FLNC: variants seen among roughly 807,000 people sequenced by gnomAD.
FLNC encodes filamin-C.
A neutral mutation model predicts 254.3 loss-of-function variants in FLNC; 91 were observed. The ratio of observed to expected loss-of-function variants is 0.36; its 90% CI spans 0.30 to 0.43. The LOEUF (loss-of-function observed/expected upper bound fraction) is 0.43. FLNC is among the 20% of genes least tolerant of loss of function. The pLI, the probability that FLNC is intolerant of heterozygous loss-of-function variation, is 1.00. For synonymous variants in FLNC, 1,430 were observed against 1,577.2 expected (o/e 0.91, Z 2.21); for missense variants, 2,853 against 3,802.6 (o/e 0.75, Z 6.57).
In FLNC at chr7:128,842,873, G is replaced by A. The variant is rs750930607; in HGVS notation, c.2469G>A (p.Lys823=). ...CTGACATTGACTTCGACATCATCAA[G>A]AATGACAACGACACCTTCACCGTCA... ...AEADIDFDII[K]NDNDTFTVKY... The change falls in exon 16 of 48, where the codon AAG becomes AAA. Residue 823 remains lysine (K), a synonymous_variant. Coordinates refer to ENST00000325888, the MANE Select transcript of FLNC (RefSeq NM_001458.5). The surrounding 1 kb of genome is among the most constrained non-coding windows in gnomAD (Gnocchi z 5.4). 1.2e-6 allele frequency: 2 copies of A among 1,614,066 alleles called. No homozygotes were observed. Among genetic ancestry groups the A allele is most frequent in the Admixed American group, 3.3e-5 (2 of 60,028 alleles).
chr7:128,844,965 G>C lies in FLNC; in HGVS notation c.3500G>C (p.Arg1167Pro). ...KVRASGPGLE[R>P]GKVGEAATFT... Reference sequence around the variant, plus strand: ...CGGGCCAGTGGACCGGGCCTGGAGCGCGGCAAGGTCGGTGAGGCAGCCACC... The same window carrying C: ...CGGGCCAGTGGACCGGGCCTGGAGCCCGGCAAGGTCGGTGAGGCAGCCACC... Residue 1167 changes from arginine (R) to proline (P), a missense_variant, in exon 21 of 48, where the codon CGC becomes CCC. This residue lies in a region of FLNC where 1,573 missense variants were observed against 1,883.5 expected (regional missense o/e 0.84). Transcript: ENST00000325888. The C allele has an allele frequency of 6.2e-7, 1 of 1,613,842 alleles. No individual in the cohort carries two copies.
chr7:128,833,231 C>T (rs1037996895), intron 1 of FLNC, among the ~76,000 whole-genome samples: 1 of 152,238 alleles, frequency 6.6e-6, no homozygotes, highest in African/African-American at 2.4e-5. Flanking sequence ...TATTCCTTCT[C>T]CTGGAGCCAA....
intron 32 of FLNC, 114 bp downstream of exon 32, chr7:128,850,597 C>G: frequency 8.3e-7 from 1 of 1,198,366 alleles, no homozygotes; most frequent in Non-Finnish European, 1.2e-6. Context: ...TGAGCTCTAC[C>G]CAGGGTCACA....
At chr7:128,853,876 G>A (rs780134331) in intron 39 of FLNC, 39 bp downstream of exon 39, 2 of 1,613,116 alleles carry the variant, frequency 1.2e-6, no homozygotes, top group Non-Finnish European at 8.5e-7. Flanking sequence ...CGGGTGGTGG[G>A]AGAGGGCTGG....
intron 30 of FLNC, among the ~76,000 whole-genome samples, 198 bp from the exon 31 acceptor site, chr7:128,849,778 C>T (rs777167714): frequency 6.6e-6 from 1 of 152,236 alleles, no homozygotes; most frequent in Non-Finnish European, 1.5e-5. Context: ...CTGCCCCCTG[C>T]CCAGTGCTGT....
chr7:128,832,621 C>T (rs1195386146), intron 1 of FLNC, among the ~76,000 whole-genome samples: 2 of 152,220 alleles, frequency 1.3e-5, no homozygotes. Context: ...GCCCCCTTGG[C>T]TCAGCAGAGG....
chr7:128,854,315 C>T (rs1310150025), intron 40 of FLNC, 98 bp from the exon 41 acceptor site: 5 of 1,600,372 alleles, frequency 3.1e-6, no homozygotes, highest in Non-Finnish European at 4.3e-6. Flanking sequence ...AAGGCCAGGG[C>T]AGGTCTGAGC....
chr7:128,837,493 T>C lies in FLNC; in HGVS notation c.795T>C (p.Gly265=), dbSNP rs2291561. The change falls in exon 4 of 48, where the codon GGT becomes GGC. Residue 265 remains glycine (G), a synonymous_variant. Coordinates refer to ENST00000325888, the MANE Select transcript of FLNC (RefSeq NM_001458.5). ...TCCCCAAGGCCAAGCTCAAACCTGG[T>C]GCCCCTGTTCGATCCAAGCAGCTGA... ...SQFPKAKLKP[G]APVRSKQLNP... The C allele has an allele frequency of 0.11, 180,718 of 1,614,090 alleles. 10,405 individuals are homozygous for C. Among genetic ancestry groups the C allele is most frequent in the South Asian group, 0.14 (12,947 of 91,084 alleles).
At position 128,841,527 on chromosome 7, in the gene FLNC, C is replaced by T. The variant is rs1315847764; in HGVS notation, c.2081C>T (p.Ala694Val). The change falls in exon 13 of 48, where the codon GCT (alanine) becomes GTT (valine). Residue 694 changes from alanine to valine, a missense_variant. Around this residue, in one of 10 missense-constraint regions of FLNC, gnomAD observed 1,573 missense variants for 1,883.5 expected, o/e 0.84. Coordinates refer to ENST00000325888, the MANE Select transcript of FLNC (RefSeq NM_001458.5). The surrounding 1 kb of genome is among the most constrained non-coding windows in gnomAD (Gnocchi z 4.3). Reference protein sequence around the residue: ...VDKPAEFTIDARAAGKGDLKL... With the variant: ...VDKPAEFTIDVRAAGKGDLKL... Reference sequence around the variant, plus strand: ...AAGCCCGCTGAGTTCACCATTGATGCTCGTGCAGCTGGCAAGGGAGACCTG... The same window carrying T: ...AAGCCCGCTGAGTTCACCATTGATGTTCGTGCAGCTGGCAAGGGAGACCTG... 3 of 1,614,040 alleles carry T rather than the reference C, an allele frequency of 1.9e-6. No homozygotes were observed. The highest frequency in any genetic ancestry group is 2.7e-5 in the African/African-American group (2 of 74,950).
chr7:128,856,970 C>T lies in FLNC; in HGVS notation c.7561+49C>T, dbSNP rs748382737. The T allele has an allele frequency of 1.9e-6, 3 of 1,601,662 alleles. No individual in the cohort carries two copies. The East Asian group carries it at 6.7e-5, about 36-fold the overall frequency. On this transcript the variant is annotated intron_variant, in intron 45 of 47. Coordinates refer to ENST00000325888, the MANE Select transcript of FLNC (RefSeq NM_001458.5). This position sits in a 1 kb window ranked among gnomAD's most constrained non-coding sequence, Gnocchi z 5.9. The stretch of plus-strand genomic sequence containing the variant: ...AGGGTGACTTCTGGGGGTGCTTGGC[C>T]ACTAGTCTGGTGCTGCTTTGCTCCA...
rs1367217552 is a variant in FLNC, at chr7:128,851,195, G to A, written c.5540-37G>A. 3 of 1,613,416 alleles carry A rather than the reference G, an allele frequency of 1.9e-6. No individual in the cohort carries two copies. In the African/African-American group the frequency reaches 4.0e-5, roughly 22 times the overall value. On this transcript the variant is annotated intron_variant, in intron 33 of 47. Transcript: ENST00000325888. ...GCCAAGGTGGGCTCAGATAATCCCT[G>A]ATGCTGACCCAGCCCCCTTTTTCTC...
chr7:128,831,037 C>T (rs1311872266), intron 1 of FLNC, 48 bp downstream of exon 1: 1 of 1,573,708 alleles, frequency 6.4e-7, no homozygotes, highest in Admixed American at 1.7e-5. Context: ...TAGGGTCGTC[C>T]CATGGGGCAG....
rs751149867 is a variant in FLNC at position 128,849,977 on chromosome 7, C to T, written c.5201C>T (p.Ala1734Val). ...TGCCCCCGTGCCTTGCCTCCCCAGG[C>T]GTGTGACCCCCTGCCGCACGAGGAG... ...HIPNSPFHVLACDPLPHEEEP... is the reference protein window; with the variant it reads ...HIPNSPFHVLVCDPLPHEEEP... The change falls in exon 31 of 48, where the codon GCG (alanine) becomes GTG (valine). Residue 1734 changes from alanine (A) to valine (V), a missense_variant and splice_region_variant. Transcript: ENST00000325888. The T allele has an allele frequency of 5.0e-6, 8 of 1,586,650 alleles. No homozygotes were observed. Among genetic ancestry groups the T allele is most frequent in the African/African-American group, 1.3e-5 (1 of 74,754 alleles).
In FLNC at chr7:128,843,562, C is replaced by T. The variant is rs1371836474; in HGVS notation, c.2796C>T (p.Tyr932=). 1.9e-6 allele frequency: 3 copies of T among 1,613,700 alleles called. No homozygotes were observed. Among genetic ancestry groups the T allele is most frequent in the East Asian group, 2.2e-5 (1 of 44,902 alleles). ...DNHDYSYTVK[Y]TAVQQGNMAV... ...ATGACTACTCCTACACTGTCAAGTACACCGCTGTCCAGCAGGTGCGCTCTG... is the reference window on the plus strand; with the variant it reads ...ATGACTACTCCTACACTGTCAAGTATACCGCTGTCCAGCAGGTGCGCTCTG... The change falls in exon 18 of 48, where the codon TAC becomes TAT. Residue 932 remains tyrosine, a synonymous_variant. Coordinates refer to ENST00000325888, the MANE Select transcript of FLNC (RefSeq NM_001458.5).
intron 42 of FLNC, 119 bp downstream of exon 42, chr7:128,855,031 C>A: frequency 8.4e-7 from 1 of 1,192,642 alleles, no homozygotes; most frequent in Non-Finnish European, 1.2e-6. Context: ...GAGCCCCCTG[C>A]TCTTCCTCTG....
intron 8 of FLNC, 78 bp from the exon 9 acceptor site, chr7:128,839,945 G>A (rs199846049): frequency 1.3e-5 from 20 of 1,569,050 alleles, no homozygotes; most frequent in Non-Finnish European, 1.5e-5. Flanking sequence ...GGGGTTAGAA[G>A]GACTGTGCAC....
In FLNC at chr7:128,848,050, A is replaced by C; in HGVS notation, c.4562A>C (p.Asp1521Ala). 2.5e-6 allele frequency: 4 copies of C among 1,605,992 alleles called. No homozygotes were observed. The highest frequency in any genetic ancestry group is 3.4e-6 in the Non-Finnish European group (4 of 1,176,060). ...TACACGGTAGCCGTCAAGTATGCTG[A>C]CCAGGAGGTGCCACGCAGGTGAGGA... ...GPYTVAVKYA[D>A]QEVPRSPFKI... Residue 1521 changes from aspartate to alanine, a missense_variant, in exon 26 of 48, where the codon GAC becomes GCC. Transcript: ENST00000325888.
chr7:128,842,892 A>G lies in FLNC; in HGVS notation c.2488A>G (p.Thr830Ala). 6.2e-7 allele frequency: 1 copy of G among 1,614,014 alleles called. No homozygotes were observed. Among genetic ancestry groups the G allele is most frequent in the Non-Finnish European group, 8.5e-7 (1 of 1,180,028 alleles). ...CATCAAGAATGACAACGACACCTTCACCGTCAAGTACACGCCACCAGGGGC... is the reference window on the plus strand; with the variant it reads ...CATCAAGAATGACAACGACACCTTCGCCGTCAAGTACACGCCACCAGGGGC... ...DIIKNDNDTFTVKYTPPGAGR... is the reference protein window; with the variant it reads ...DIIKNDNDTFAVKYTPPGAGR... The change falls in exon 16 of 48, where the codon ACC becomes GCC. Residue 830 changes from threonine (T) to alanine (A), a missense_variant. This residue lies in a region of FLNC where 1,573 missense variants were observed against 1,883.5 expected (regional missense o/e 0.84). Transcript: ENST00000325888. The surrounding 1 kb of genome is among the most constrained non-coding windows in gnomAD (Gnocchi z 5.4).
At position 128,852,507 on chromosome 7, in the gene FLNC, G is replaced by A. The variant is rs571379135; in HGVS notation, c.5843-84G>A. ...CCCCGTGTCTGTTGAGTCCAGGGGG[G>A]GCTGCTCAGGAGGGTTCCTGAGCCC... On this transcript the variant is annotated intron_variant, in intron 35 of 47. Transcript: ENST00000325888. 3.6e-5 allele frequency: 54 copies of A among 1,517,908 alleles called. No individual in the cohort carries two copies. The East Asian group carries it at 6.1e-4, about 17-fold the overall frequency. 94.0% of individuals were successfully genotyped at this position (1,517,908 alleles called of 1,614,324 possible). A position where few individuals can be genotyped will look rare whatever the true frequency, so the allele number is the denominator to read the frequency against.
Sources: gnomAD v4.1 joint callset for allele counts (sites outside exome capture counted in the v4.1 genomes callset) on GRCh38, gnomAD v4.1.1 for gene constraint, gnomAD v4.1.1 regional missense constraint, Gnocchi (gnomAD v3.1) non-coding constraint, MANE v1.5 for transcripts, NCBI Gene and HGNC (gene_info 2026-07-23, HGNC 2026-07-21) for gene names.